CLASRP: variants seen among roughly 807,000 people sequenced by gnomAD.
CLASRP encodes the protein CLK4-associating serine/arginine rich protein.
Under a neutral mutation model 99.9 loss-of-function variants are expected in CLASRP, and 52 were observed. That is an observed-to-expected ratio of 0.52 (90% CI 0.42 to 0.66). The LOEUF is 0.66. CLASRP is among the 30% of genes least tolerant of loss of function. The pLI, the probability that CLASRP is intolerant of heterozygous loss-of-function variation, is 0.00. For synonymous variants in CLASRP, 379 were observed against 373.0 expected, an observed-to-expected ratio of 1.02 and a Z score of -0.18; for missense variants, 848 against 999.2, an observed-to-expected ratio of 0.85 and a Z score of 2.04.
At chr19:45,049,146 G>A (rs1971976194) in intron 2 of CLASRP, among the ~76,000 whole-genome samples, 2 of 152,148 alleles carry the variant, frequency 1.3e-5, no homozygotes, top group African/African-American at 2.4e-5. Flanking sequence ...CCGGCTCAGT[G>A]CTTATTCCTT....
At chr19:45,042,721 T>C (rs1457570478) in intron 2 of CLASRP, among the ~76,000 whole-genome samples, 1 of 151,858 alleles carries the variant, frequency 6.6e-6, no homozygotes, top group African/African-American at 2.4e-5. Flanking sequence ...CAAGCTATTC[T>C]CCTGCCTCAC....
chr19:45,048,590 G>T (rs1014705114), intron 2 of CLASRP, among the ~76,000 whole-genome samples: 3 of 151,644 alleles, frequency 2.0e-5, no homozygotes, highest in African/African-American at 7.3e-5. Context: ...AGATTTTGTA[G>T]CCAGGCCCAT....
intron 2 of CLASRP, among the ~76,000 whole-genome samples, chr19:45,045,112 C>G (rs1971891093): frequency 6.6e-6 from 1 of 152,230 alleles, no homozygotes; most frequent in Non-Finnish European, 1.5e-5. Flanking sequence ...CACAGCTTCT[C>G]TTCCTAGTGT....
intron 15 of CLASRP, 111 bp from the exon 16 acceptor site, chr19:45,068,309 T>TGTGCCCCCCCCCCCCCC: frequency 3.1e-6 from 2 of 651,146 alleles, no homozygotes; most frequent in African/African-American, 2.0e-5. Context: ...CCCACGTCGT[T>TGTGCCCCCCCCCCCCCC]CTCCCCCCCC....
Position 45,068,452 on chromosome 19 carries a change from G to A in CLASRP, c.1740G>A (p.Leu580=). Residue 580 remains leucine, a synonymous_variant, in exon 16 of 21, where the codon CTG becomes CTA. Coordinates refer to ENST00000221455, the MANE Select transcript of CLASRP (RefSeq NM_007056.3). The part of the protein sequence containing the change: ...PKLTPQEKLK[L]RMQKALNRQF... ...TGACGCCTCAGGAGAAGCTGAAACT[G>A]AGGATGCAGAAGGCGCTGAACAGGC... The A allele has an allele frequency of 6.2e-7, 1 of 1,613,298 alleles. No individual in the cohort carries two copies.
chr19:45,068,642 G>GCA (rs1967154797), intron 16 of CLASRP, among the ~76,000 whole-genome samples, 162 bp downstream of exon 16: 1 of 151,602 alleles, frequency 6.6e-6, no homozygotes, highest in Non-Finnish European at 1.5e-5. Context: ...CAGCTCCGCT[G>GCA]CCGCTATGCT....
Position 45,052,911 on chromosome 19 carries a change from G to T in CLASRP, c.299+19G>T. The T allele has an allele frequency of 2.5e-6, 4 of 1,590,918 alleles. 1 individual carries two copies. The South Asian group carries it at 3.4e-5, about 13-fold the overall frequency. On this transcript the variant is annotated intron_variant, in intron 4 of 20. Transcript: ENST00000221455. ...CCACCATGTAAGCCACCTCCCAGGG[G>T]GTTGCCAGGCACAGCGTCATACCCA...
chr19:45,070,853 AGT>A lies in CLASRP; in HGVS notation c.*10_*11del. 1.1e-6 allele frequency: 1 copy of A among 909,070 alleles called. No individual in the cohort carries two copies. The highest frequency in any genetic ancestry group is 1.6e-6 in the Non-Finnish European group (1 of 611,402). 56.3% of individuals were successfully genotyped at this position (909,070 alleles called of 1,614,324 possible). On this transcript the variant is annotated 3_prime_UTR_variant, in exon 21 of 21. Transcript: ENST00000221455. ...CCCCATTACCGACATTAGGCAGAAG[AGT>A]GGGGGGTGGGGAGGACAAGGGGGTG...
At position 45,064,592 on chromosome 19, in the gene CLASRP, C is replaced by T. The variant is rs773127840; in HGVS notation, c.1371C>T (p.Pro457=). ...SRDGHRYSRS[P]ARRGGYGPRR... ...ACGGACACCGGTACTCCCGCTCGCC[C>T]GCCCGGCGTGGTGGTTACGGGCCCC... The change falls in exon 13 of 21, where the codon CCC becomes CCT. Residue 457 remains proline, a synonymous_variant. Transcript: ENST00000221455. The T allele has an allele frequency of 2.3e-5, 35 of 1,546,732 alleles. No individual in the cohort carries two copies. In the South Asian group the frequency reaches 2.8e-4, roughly 13 times the overall value.
chr19:45,068,540 C>A, intron 16 of CLASRP, 60 bp downstream of exon 16: 2 of 1,262,972 alleles, frequency 1.6e-6, no homozygotes, highest in Non-Finnish European at 2.3e-6. Context: ...GCAGTGGGAG[C>A]AAGGAGACTC....
chr19:45,069,159 G>A (rs762487060), intron 17 of CLASRP, 35 bp downstream of exon 17: 36 of 1,613,934 alleles, frequency 2.2e-5, no homozygotes, highest in Non-Finnish European at 2.1e-5. Context: ...GGTGACGGGT[G>A]GGTGCTGGCC....
At chr19:45,070,251 A>G in intron 19 of CLASRP, 147 bp downstream of exon 19, 1 of 675,334 alleles carries the variant, frequency 1.5e-6, no homozygotes. Flanking sequence ...TGGATCAATC[A>G]CCTGAGGTCA....
At chr19:45,052,035 G>C in intron 2 of CLASRP, 36 bp from the exon 3 acceptor site, 1 of 1,565,270 alleles carries the variant, frequency 6.4e-7, no homozygotes, top group Middle Eastern at 1.7e-4. Context: ...TTGGAGCTCT[G>C]TTGGGTGGTG....
Position 45,067,979 on chromosome 19 carries a change from C to G in CLASRP, c.1668-36C>G, listed in dbSNP as rs772389804. On this transcript the variant is annotated intron_variant, in intron 14 of 20. Transcript: ENST00000221455. The surrounding 1 kb of genome is among the most constrained non-coding windows in gnomAD (Gnocchi z 4.9). ...CAGAGGTGGCAGCTGCCCTTTCCCC[C>G]TCCCAACCATGTCCTCTGGCCCTGC... is the stretch of plus-strand genomic sequence containing the variant. 6.4e-7 allele frequency: 1 copy of G among 1,550,568 alleles called. No homozygotes were observed. Among genetic ancestry groups the G allele is most frequent in the Non-Finnish European group, 8.9e-7 (1 of 1,122,338 alleles).
Position 45,067,318 on chromosome 19 carries a change from C to A in CLASRP, c.1410-19C>A. 6.7e-7 allele frequency: 1 copy of A among 1,488,684 alleles called. No individual in the cohort carries two copies. Among genetic ancestry groups the A allele is most frequent in the South Asian group, 1.3e-5 (1 of 75,818 alleles). The allele number at this position is 1,488,684 out of a possible 1,614,324, so 92.2% of individuals were successfully genotyped here. On this transcript the variant is annotated intron_variant, in intron 13 of 20. Coordinates refer to ENST00000221455, the MANE Select transcript of CLASRP (RefSeq NM_007056.3). The surrounding 1 kb of genome is among the most constrained non-coding windows in gnomAD (Gnocchi z 4.9). Reference sequence around the variant, plus strand: ...CCCTGGAGCCTCACAGTCCTCCTCCCGCCCTGCTGCATCCCCAGGAGCCGC... The same window carrying A: ...CCCTGGAGCCTCACAGTCCTCCTCCAGCCCTGCTGCATCCCCAGGAGCCGC...
chr19:45,067,486 A>C lies in CLASRP; in HGVS notation c.1559A>C (p.Gln520Pro). The change falls in exon 14 of 21, where the codon CAG (glutamine) becomes CCG (proline). Residue 520 changes from glutamine to proline, a missense_variant. Gln to Pro is a moderately conservative substitution (Grantham distance 76, BLOSUM62 -1). Transcript: ENST00000221455. This position sits in a 1 kb window ranked among gnomAD's most constrained non-coding sequence, Gnocchi z 4.9. ...RSRSHSPSPS[Q>P]SRSRSRSRSQ... Reference sequence around the variant, plus strand: ...CGCAGCCATAGCCCCAGCCCCAGCCAGAGCCGCAGCCGCAGCCGCAGCCGC... The same window carrying C: ...CGCAGCCATAGCCCCAGCCCCAGCCCGAGCCGCAGCCGCAGCCGCAGCCGC... The C allele has an allele frequency of 1.3e-6, 2 of 1,572,184 alleles. No individual in the cohort carries two copies. The highest frequency in any genetic ancestry group is 1.1e-5 in the South Asian group (1 of 87,606).
chr19:45,060,598 G>A lies in CLASRP; in HGVS notation c.834G>A (p.Arg278=). Residue 278 remains arginine (R), a synonymous_variant, in exon 10 of 21, where the codon CGG becomes CGA. Coordinates refer to ENST00000221455, the MANE Select transcript of CLASRP (RefSeq NM_007056.3). The surrounding 1 kb of genome is among the most constrained non-coding windows in gnomAD (Gnocchi z 4.6). ...AGCGGAGAGAGTTTCGGGAGAAGCGGCTGAGGGGTCGCAAGATCAGCCCAC... is the reference window on the plus strand; with the variant it reads ...AGCGGAGAGAGTTTCGGGAGAAGCGACTGAGGGGTCGCAAGATCAGCCCAC... ...RRQRREFREK[R]LRGRKISPPS... 1.9e-6 allele frequency: 3 copies of A among 1,609,794 alleles called. No individual in the cohort carries two copies. In the South Asian group the frequency reaches 3.3e-5, roughly 18 times the overall value.
intron 6 of CLASRP, 40 bp downstream of exon 6, chr19:45,056,574 G>A (rs111953926): frequency 3.2e-6 from 5 of 1,551,064 alleles, no homozygotes; most frequent in East Asian, 4.5e-5. Context: ...GAGGAGGCAG[G>A]AGGGCTGGGA....
chr19:45,040,325 C>A lies in CLASRP; in HGVS notation c.99+14C>A. 6.3e-7 allele frequency: 1 copy of A among 1,589,590 alleles called. No homozygotes were observed. The highest frequency in any genetic ancestry group is 1.1e-5 in the South Asian group (1 of 87,882). ...TATGAAAAGATCGTGAGTAACTGGCCTTTTGTCTGGGGTGAGGGACCCTGG... is the reference window on the plus strand; with the variant it reads ...TATGAAAAGATCGTGAGTAACTGGCATTTTGTCTGGGGTGAGGGACCCTGG... On this transcript the variant is annotated intron_variant, in intron 2 of 20. Coordinates refer to ENST00000221455, the MANE Select transcript of CLASRP (RefSeq NM_007056.3).
Sources: allele counts gnomAD v4.1 joint callset (sites outside exome capture counted in the v4.1 genomes callset), GRCh38; gene constraint gnomAD v4.1.1; non-coding constraint Gnocchi (gnomAD v3.1); transcripts MANE v1.5; gene names NCBI Gene and HGNC (gene_info 2026-07-23, HGNC 2026-07-21).